TENM2: variants seen among roughly 807,000 people sequenced by gnomAD.
The protein encoded by TENM2 is teneurin-2.
Under a neutral mutation model 245.2 loss-of-function variants are expected in TENM2, and 52 were observed. The ratio of observed to expected loss-of-function variants is 0.21; its 90% confidence interval spans 0.17 to 0.27. The LOEUF (loss-of-function observed/expected upper bound fraction) is 0.27, where lower values mean the gene tolerates loss of function less well. Among genes scored for constraint, TENM2 ranks in the 10% least tolerant of loss-of-function variants. The probability of loss-of-function intolerance (pLI) is 1.00; values close to 1 mark genes in which losing one functional copy is unlikely to be tolerated. For synonymous variants in TENM2, 1,363 were observed against 1,438.9 expected (o/e 0.95, Z 1.19); for missense variants, 3,046 against 3,666.8 (o/e 0.83, Z 4.37).
chr5:167,631,310 T>C (rs1260782042), intron 2 of TENM2, among the ~76,000 whole-genome samples: 1 of 152,060 alleles, frequency 6.6e-6, no homozygotes, highest in Non-Finnish European at 1.5e-5. Context: ...ATGGTCTGGG[T>C]ACAGCACACT....
Position 167,448,584 on chromosome 5 carries a change from T to A in TENM2, c.502+73111T>A, listed in dbSNP as rs145351920. Among the ~76,000 whole-genome samples the A allele has an allele frequency of 2.0e-5, 3 of 150,674 alleles. No homozygotes were observed. In the East Asian group the frequency reaches 5.8e-4, roughly 29 times the overall value. On this transcript the variant is annotated intron_variant, in intron 2 of 28. Coordinates refer to ENST00000518659, the Ensembl canonical transcript of TENM2. ...AAATATGCTTAGTTCAGCTTTTTGT[T>A]AGATAAAATTTGATTAGGGATGTGC...
chr5:167,308,716 A>G (rs541310451), intron 1 of TENM2, among the ~76,000 whole-genome samples: 28 of 152,176 alleles, frequency 1.8e-4, no homozygotes, highest in Non-Finnish European at 3.1e-4. Flanking sequence ...AAATCTCACC[A>G]TGTTCCTCAT....
chr5:167,474,650 G>T (rs1243515955), intron 2 of TENM2, among the ~76,000 whole-genome samples: 1 of 152,020 alleles, frequency 6.6e-6, no homozygotes. Flanking sequence ...GAGTAGCTGG[G>T]ATTACAGGCG....
chr5:167,423,502 A>G (rs73801214), intron 2 of TENM2, among the ~76,000 whole-genome samples: 2,805 of 152,340 alleles, frequency 0.018, 63 homozygotes, highest in African/African-American at 0.062. Context: ...TAAGCTGTCA[A>G]TTATAGTGTT....
chr5:167,633,979 T>C (rs1408375208), intron 2 of TENM2, among the ~76,000 whole-genome samples: 1 of 152,190 alleles, frequency 6.6e-6, no homozygotes, highest in Admixed American at 6.5e-5. Flanking sequence ...AACTGGTTTG[T>C]TTCTGTATTA....
chr5:167,741,721 C>G (rs1296413173), intron 2 of TENM2, among the ~76,000 whole-genome samples: 1 of 152,162 alleles, frequency 6.6e-6, no homozygotes, highest in African/African-American at 2.4e-5. Context: ...AACATACCAC[C>G]ATCTTCCGCC....
chr5:167,148,020 T>G, the TENM2 span, among the ~76,000 whole-genome samples: 1 of 152,146 alleles, frequency 6.6e-6, no homozygotes, highest in Non-Finnish European at 1.5e-5. Flanking sequence ...ATCTCTAGAT[T>G]CCTATAACAT....
intron 2 of TENM2, among the ~76,000 whole-genome samples, chr5:167,383,035 G>GA (rs1212408988): frequency 6.6e-6 from 1 of 152,068 alleles, no homozygotes; most frequent in Admixed American, 6.6e-5. Context: ...ACTTATTTCT[G>GA]AAAAGATTTC....
chr5:167,181,431 TTC>T, the TENM2 span, among the ~76,000 whole-genome samples: 1 of 148,036 alleles, frequency 6.8e-6, no homozygotes, highest in Non-Finnish European at 1.5e-5. Context: ...CTTTTCTCAG[TTC>T]TCTGTTTTTT....
chr5:168,200,951 C>T (rs1761884146), intron 17 of TENM2, among the ~76,000 whole-genome samples: 2 of 152,152 alleles, frequency 1.3e-5, no homozygotes, highest in African/African-American at 4.8e-5. Context: ...AAACTAGCAA[C>T]CTCAGAAATT....
At chr5:167,243,407 A>T in the TENM2 span, among the ~76,000 whole-genome samples, 1 of 152,056 alleles carries the variant, frequency 6.6e-6, no homozygotes, top group African/African-American at 2.4e-5. Context: ...GGAACTGAGG[A>T]TATTTCGAAG....
At chr5:167,968,892 G>A (rs917095788) in intron 4 of TENM2, among the ~76,000 whole-genome samples, 3 of 152,120 alleles carry the variant, frequency 2.0e-5, no homozygotes, top group Non-Finnish European at 4.4e-5. Flanking sequence ...TGTGCAAGGG[G>A]CGGTGCTATG....
chr5:167,350,707 T>TATATATATATATGGGATACATATATGG (rs1758809760), intron 1 of TENM2, among the ~76,000 whole-genome samples: 2 of 105,080 alleles, frequency 1.9e-5, no homozygotes, highest in African/African-American at 7.9e-5. Flanking sequence ...CATATATGGA[T>TATATATATATATGGGATACATATATGG]ATATATATAT....
At chr5:167,340,203 A>G (rs1400092109) in intron 1 of TENM2, among the ~76,000 whole-genome samples, 1 of 151,866 alleles carries the variant, frequency 6.6e-6, no homozygotes, top group African/African-American at 2.4e-5. Flanking sequence ...AATTGCCCCT[A>G]ACATCTGTAT....
rs1000200064 is a variant in TENM2, at chr5:167,806,560, C to T, written c.503-69426C>T. Among the ~76,000 whole-genome samples the T allele has an allele frequency of 6.6e-5, 10 of 152,056 alleles. 1 individual carries two copies. In the South Asian group the frequency reaches 2.1e-3, roughly 31 times the overall value. The stretch of plus-strand genomic sequence containing the variant: ...TGGTAATGAAGATGGCCCCCAGCAA[C>T]TCCAATTTAATGTTCTCTGAAGATC... On this transcript the variant is annotated intron_variant, in intron 2 of 28. Transcript: ENST00000518659.
intron 1 of TENM2, among the ~76,000 whole-genome samples, chr5:167,305,825 A>T (rs1755644482): frequency 6.6e-6 from 1 of 152,212 alleles, no homozygotes; most frequent in Admixed American, 6.5e-5. Flanking sequence ...GGTGCCAGGG[A>T]TCCTCCAGTG....
rs199914821 is a variant in TENM2 at position 167,872,445 on chromosome 5, CGAAA to C, written c.503-3531_503-3528del. On this transcript the variant is annotated intron_variant, in intron 2 of 28. Coordinates refer to ENST00000518659, the Ensembl canonical transcript of TENM2. ...GAGACAGAAAGAAAGCAAACAAGCA[CGAAA>C]GAAAGAAAGCACGAAAGAAAGAAAG... is the stretch of plus-strand genomic sequence containing the variant. Among the ~76,000 whole-genome samples, 1,071 of 115,450 alleles carry C rather than the reference CGAAA, an allele frequency of 9.3e-3. 13 individuals are homozygous for C. The highest frequency in any genetic ancestry group is 0.013 in the Non-Finnish European group (703 of 54,936). 75.7% of individuals were successfully genotyped at this position (115,450 alleles called of 152,430 possible).
chr5:168,143,225 C>T (rs1755711074), intron 12 of TENM2, among the ~76,000 whole-genome samples: 4 of 149,924 alleles, frequency 2.7e-5, no homozygotes, highest in Admixed American at 2.7e-4. Context: ...ACCCCCAACA[C>T]AGTGAAAAAT....
the TENM2 span, among the ~76,000 whole-genome samples, chr5:167,193,834 TAA>T: frequency 6.6e-6 from 1 of 152,076 alleles, no homozygotes; most frequent in African/African-American, 2.4e-5. Context: ...GCTTCACAGA[TAA>T]TAGGTCAATT....
Sources: allele counts gnomAD v4.1 joint callset (sites outside exome capture counted in the v4.1 genomes callset), GRCh38; gene constraint gnomAD v4.1.1; transcripts MANE v1.5; gene names NCBI Gene and HGNC (gene_info 2026-07-23, HGNC 2026-07-21).